Variants in NRDC observed in about 807,000 individuals in gnomAD.
NRDC encodes the protein nardilysin convertase, also known as nardilysin.
NRDC carries 54 observed loss-of-function variants against 147.1 expected under a neutral mutation model. The ratio of observed to expected loss-of-function variants is 0.37; its 90% CI spans 0.29 to 0.46. The LOEUF (loss-of-function observed/expected upper bound fraction) is 0.46, where lower values mean the gene tolerates loss of function less well. Ranked by LOEUF, NRDC falls within the 20% of genes least tolerant of loss-of-function variation. NRDC has a pLI of 1.00. For synonymous variants in NRDC, 440 were observed against 482.1 expected, an observed-to-expected ratio of 0.91 and a Z score of 1.14; for missense variants, 1,082 against 1,370.6, an observed-to-expected ratio of 0.79 and a Z score of 3.33.
In NRDC at chr1:51,827,823, C is replaced by T. The variant is rs376103715; in HGVS notation, c.913G>A (p.Asp305Asn). ...IHPLMIRDAI[D>N]REVEAVDSEY... ...CTATCAACAGCTTCAACTTCACGGT[C>T]AATTGCATCTCTGATCATTAGTGGG... The change falls in exon 5 of 31, where the codon GAC becomes AAC. Residue 305 changes from aspartate (D) to asparagine (N), a missense_variant. Physicochemically the swap from Asp to Asn is conservative, Grantham distance 23 (BLOSUM62 1). Around this residue, in one of 3 missense-constraint regions of NRDC, gnomAD observed 635 missense variants for 923.8 expected, o/e 0.69. Coordinates refer to ENST00000352171, the MANE Select transcript of NRDC (RefSeq NM_001101662.2). 1 of 1,613,884 alleles carries T rather than the reference C, an allele frequency of 6.2e-7. No homozygotes were observed. The highest frequency in any genetic ancestry group is 8.5e-7 in the Non-Finnish European group (1 of 1,179,870).
intron 11 of NRDC, 126 bp downstream of exon 11, chr1:51,816,186 A>T (rs1327459091): frequency 9.2e-6 from 4 of 434,380 alleles, no homozygotes; most frequent in Non-Finnish European, 1.6e-5. Flanking sequence ...AATAACTATA[A>T]TTAAGCATTA....
chr1:51,841,774 G>A (rs1450224653), intron 1 of NRDC, among the ~76,000 whole-genome samples: 1 of 152,138 alleles, frequency 6.6e-6, no homozygotes, highest in Non-Finnish European at 1.5e-5. Flanking sequence ...CAGAATGACA[G>A]AGATAAATAC....
chr1:51,870,612 T>A (rs1309784618), intron 1 of NRDC, among the ~76,000 whole-genome samples: 1 of 152,130 alleles, frequency 6.6e-6, no homozygotes, highest in East Asian at 1.9e-4. Context: ...GAGGGGAAAG[T>A]CACCCTTTCA....
chr1:51,789,787 T>TAC (rs1266686210), intron 29 of NRDC, 130 bp from the exon 30 acceptor site: 2 of 668,376 alleles, frequency 3.0e-6, no homozygotes, highest in Non-Finnish European at 5.2e-6. Context: ...ATTCTCAGGT[T>TAC]ACCCCTAACC....
chr1:51,831,436 T>C (rs1680702349), intron 4 of NRDC, among the ~76,000 whole-genome samples: 1 of 152,210 alleles, frequency 6.6e-6, no homozygotes, highest in African/African-American at 2.4e-5. Context: ...ACTTAAGAGC[T>C]GAGAACTCTG....
chr1:51,801,929 A>C (rs1193295171), intron 20 of NRDC, among the ~76,000 whole-genome samples: 30 of 152,046 alleles, frequency 2.0e-4, no homozygotes, highest in Admixed American at 2.0e-3. Flanking sequence ...CTGAGACTAC[A>C]GGCGCCTGCC....
At position 51,812,060 on chromosome 1, in the gene NRDC, G is replaced by A; in HGVS notation, c.1713C>T (p.Asn571=). Reference sequence around the variant, plus strand: ...TGTCCTGCAATGGGTACAGCTGCATGTTCTCACACATGTTTTCCACATACT... The same window carrying A: ...TGTCCTGCAATGGGTACAGCTGCATATTCTCACACATGTTTTCCACATACT... ...PVEYVENMCE[N]MQLYPLQDIL... is the part of the protein sequence containing the mutation. Residue 571 remains asparagine (N), a synonymous_variant, in exon 15 of 31, where the codon AAC becomes AAT. Transcript: ENST00000352171. The A allele has an allele frequency of 6.2e-7, 1 of 1,613,932 alleles. No homozygotes were observed.
At chr1:51,828,784 T>C (rs1174763785) in intron 4 of NRDC, among the ~76,000 whole-genome samples, 1 of 146,290 alleles carries the variant, frequency 6.8e-6, no homozygotes, top group African/African-American at 2.5e-5. Flanking sequence ...AGTGGCACAA[T>C]CACTGCTCAC....
chr1:51,837,108 A>G (rs2149220362), intron 2 of NRDC, among the ~76,000 whole-genome samples: 1 of 152,324 alleles, frequency 6.6e-6, no homozygotes, highest in African/African-American at 2.4e-5. Flanking sequence ...CAGTAAGTTA[A>G]AAGACAAAAA....
At chr1:51,876,407 G>A (rs1683329074) in intron 1 of NRDC, among the ~76,000 whole-genome samples, 1 of 152,058 alleles carries the variant, frequency 6.6e-6, no homozygotes, top group East Asian at 1.9e-4. Flanking sequence ...ATTCATTTAT[G>A]GTTCATATAT....
chr1:51,845,959 TAAAA>T (rs564616192), intron 1 of NRDC, among the ~76,000 whole-genome samples: 1 of 147,274 alleles, frequency 6.8e-6, no homozygotes, highest in Non-Finnish European at 1.5e-5. Flanking sequence ...ACACCTAATT[TAAAA>T]AAAAAAGAAA....
At chr1:51,791,180 C>T (rs1678630793) in intron 27 of NRDC, among the ~76,000 whole-genome samples, 190 bp from the exon 28 acceptor site, 1 of 152,132 alleles carries the variant, frequency 6.6e-6, no homozygotes, top group East Asian at 1.9e-4. Context: ...AAGAACCCTC[C>T]CCCTCACCCC....
intron 1 of NRDC, among the ~76,000 whole-genome samples, chr1:51,850,658 C>T (rs912176363): frequency 6.6e-6 from 1 of 152,194 alleles, no homozygotes; most frequent in Non-Finnish European, 1.5e-5. Context: ...GATAACATCT[C>T]AACATCTGTC....
intron 1 of NRDC, chr1:51,862,421 A>G (rs1256411184): frequency 6.6e-6 from 1 of 152,026 alleles, no homozygotes; most frequent in African/African-American, 2.4e-5. Context: ...TCATCTCTCT[A>G]AAAAAGAAAA....
At chr1:51,797,084 C>T (rs1273196721) in intron 22 of NRDC, among the ~76,000 whole-genome samples, 1 of 151,754 alleles carries the variant, frequency 6.6e-6, no homozygotes, top group African/African-American at 2.4e-5. Context: ...CCTGTAGTCC[C>T]AGCTACTTGG....
chr1:51,813,369 CAT>C (rs1679817857), intron 14 of NRDC, among the ~76,000 whole-genome samples: 2 of 152,146 alleles, frequency 1.3e-5, no homozygotes, highest in Non-Finnish European at 2.9e-5. Flanking sequence ...AATGAGGAAA[CAT>C]AGTCGGATTT....
intron 10 of NRDC, among the ~76,000 whole-genome samples, chr1:51,817,537 C>A (rs1280419865): frequency 6.6e-6 from 1 of 152,076 alleles, no homozygotes; most frequent in East Asian, 1.9e-4. Context: ...GTCATATTAC[C>A]AATCCAAATT....
At chr1:51,816,207 T>A in intron 11 of NRDC, 105 bp downstream of exon 11, 1 of 523,920 alleles carries the variant, frequency 1.9e-6, no homozygotes, top group Non-Finnish European at 3.2e-6. Flanking sequence ...AATTTTATTC[T>A]AGGCTTCCTG....
intron 1 of NRDC, among the ~76,000 whole-genome samples, chr1:51,857,574 G>A (rs578230743): frequency 1.3e-5 from 2 of 152,218 alleles, no homozygotes; most frequent in African/African-American, 2.4e-5. Flanking sequence ...AACTGATATC[G>A]TGGTAAGTTC....
Sources: allele counts gnomAD v4.1 joint callset (sites outside exome capture counted in the v4.1 genomes callset), GRCh38; gene constraint gnomAD v4.1.1; regional missense constraint gnomAD v4.1.1; transcripts MANE v1.5; gene names NCBI Gene and HGNC (gene_info 2026-07-23, HGNC 2026-07-21).